TRPC4: variants seen among roughly 807,000 people sequenced by gnomAD.
The protein encoded by TRPC4 is short transient receptor potential channel 4.
TRPC4 carries 49 observed loss-of-function variants against 99.4 expected under a neutral mutation model. The observed-to-expected ratio is 0.49, with a 90% confidence interval of 0.39 to 0.63. The LOEUF is 0.63. Ranked by LOEUF, TRPC4 falls within the 20% of genes least tolerant of loss-of-function variation. TRPC4 has a pLI of 0.00. For missense variants in TRPC4, 898 were observed against 1,152.9 expected (o/e 0.78, Z 3.20); for synonymous variants, 454 against 425.9 (o/e 1.07, Z -0.81).
At chr13:37,843,295 G>T (rs1385458004) in intron 1 of TRPC4, among the ~76,000 whole-genome samples, 1 of 152,176 alleles carries the variant, frequency 6.6e-6, no homozygotes, top group Admixed American at 6.5e-5. Context: ...CTCATCAAAT[G>T]TTAACTTTGT....
chr13:37,866,429 T>G (rs1420988599), intron 1 of TRPC4, among the ~76,000 whole-genome samples: 2 of 151,634 alleles, frequency 1.3e-5, no homozygotes, highest in African/African-American at 2.4e-5. Context: ...GAGGGTCACT[T>G]ATATTTTTTA....
At chr13:37,783,402 GC>G in intron 1 of TRPC4, 42 bp from the exon 2 acceptor site, 1 of 1,439,022 alleles carries the variant, frequency 6.9e-7, no homozygotes, top group Non-Finnish European at 9.2e-7. Context: ...GTGTTAATAT[GC>G]TTTTAAAATT....
At chr13:37,737,430 C>A (rs183004498) in intron 3 of TRPC4, among the ~76,000 whole-genome samples, 1 of 152,166 alleles carries the variant, frequency 6.6e-6, no homozygotes, top group East Asian at 1.9e-4. Context: ...CAGAAAAGAG[C>A]ACTATATCCA....
At chr13:37,725,973 G>A (rs1443295000) in intron 3 of TRPC4, among the ~76,000 whole-genome samples, 3 of 152,034 alleles carry the variant, frequency 2.0e-5, no homozygotes, top group African/African-American at 4.8e-5. Context: ...TGAGGCAGGC[G>A]GATCACAAGG....
chr13:37,660,509 A>G (rs911118856), intron 6 of TRPC4, among the ~76,000 whole-genome samples: 1 of 152,188 alleles, frequency 6.6e-6, no homozygotes, highest in Admixed American at 6.5e-5. Context: ...TACTTGGATG[A>G]AAGGAATGAA....
chr13:37,662,245 G>A (rs962222092), intron 6 of TRPC4, among the ~76,000 whole-genome samples: 2 of 152,032 alleles, frequency 1.3e-5, no homozygotes, highest in African/African-American at 4.8e-5. Context: ...TGGAGGCAGA[G>A]GTTGCAGTGA....
chr13:37,775,700 G>C (rs910134579), intron 2 of TRPC4, among the ~76,000 whole-genome samples: 3 of 151,594 alleles, frequency 2.0e-5, no homozygotes, highest in African/African-American at 7.3e-5. Flanking sequence ...CCTAAACATA[G>C]AGAAGAAGAG....
chr13:37,796,777 A>G (rs957462977), intron 1 of TRPC4, among the ~76,000 whole-genome samples: 1 of 151,356 alleles, frequency 6.6e-6, no homozygotes, highest in Admixed American at 6.6e-5. Context: ...CAGGCTCATA[A>G]TTGTCTGCTC....
chr13:37,834,041 A>G (rs1186174607), intron 1 of TRPC4, among the ~76,000 whole-genome samples: 1 of 152,164 alleles, frequency 6.6e-6, no homozygotes, highest in African/African-American at 2.4e-5. Context: ...TCTTCATGCT[A>G]TATTTGCATT....
At chr13:37,675,759 G>A (rs867211715) in intron 4 of TRPC4, among the ~76,000 whole-genome samples, 1 of 152,154 alleles carries the variant, frequency 6.6e-6, no homozygotes, top group African/African-American at 2.4e-5. Context: ...CATGGAGAAA[G>A]TTCCATCCCT....
chr13:37,633,164 A>G lies in TRPC4; in HGVS notation c.*3739T>C, dbSNP rs953680456. 1.6e-4 allele frequency among the ~76,000 whole-genome samples: 24 copies of G among 152,342 alleles called. No homozygotes were observed. Among genetic ancestry groups the G allele is most frequent in the African/African-American group, 5.8e-4 (24 of 41,592 alleles). On this transcript the variant is annotated 3_prime_UTR_variant, in exon 11 of 11. Coordinates refer to ENST00000379705, the MANE Select transcript of TRPC4 (RefSeq NM_016179.4). ...CTGTATAAATAAAATGTCTTTTCAG[A>G]CATTGTAAAATCAGAATAATGGTTT...
intron 6 of TRPC4, among the ~76,000 whole-genome samples, chr13:37,663,176 G>A (rs1313924231): frequency 6.6e-6 from 1 of 152,096 alleles, no homozygotes; most frequent in African/African-American, 2.4e-5. Flanking sequence ...TCTTTTTCAT[G>A]AAGTCATTTA....
chr13:37,828,847 G>A (rs1958327164), intron 1 of TRPC4, among the ~76,000 whole-genome samples: 1 of 152,142 alleles, frequency 6.6e-6, no homozygotes, highest in South Asian at 2.1e-4. Flanking sequence ...TGTTTGGTGG[G>A]ACTAGGGTGA....
chr13:37,790,496 A>G (rs1007926641), intron 1 of TRPC4, among the ~76,000 whole-genome samples: 4 of 152,204 alleles, frequency 2.6e-5, no homozygotes, highest in African/African-American at 9.6e-5. Context: ...CTATTTGCAT[A>G]TAAATAATCA....
chr13:37,760,475 G>A (rs564479185), intron 2 of TRPC4, among the ~76,000 whole-genome samples: 1 of 152,048 alleles, frequency 6.6e-6, no homozygotes, highest in African/African-American at 2.4e-5. Flanking sequence ...TTTCCTACAA[G>A]TCAAGAGGAA....
chr13:37,835,132 A>C (rs995702041), intron 1 of TRPC4, among the ~76,000 whole-genome samples: 4 of 152,152 alleles, frequency 2.6e-5, no homozygotes, highest in African/African-American at 7.2e-5. Flanking sequence ...AATGTTTGCC[A>C]ATATGAAACC....
intron 1 of TRPC4, among the ~76,000 whole-genome samples, chr13:37,868,777 A>C (rs978295849): frequency 3.3e-5 from 5 of 152,170 alleles, no homozygotes; most frequent in African/African-American, 1.2e-4. Flanking sequence ...CCATGTGAAC[A>C]GGGATACACC....
chr13:37,853,839 TG>T (rs1329239713), intron 1 of TRPC4, among the ~76,000 whole-genome samples: 5 of 151,642 alleles, frequency 3.3e-5, no homozygotes, highest in African/African-American at 1.2e-4. Flanking sequence ...GCAGAAGAAT[TG>T]GTGAGGTTAA....
rs1252064584 is a variant in TRPC4, at chr13:37,746,371, A to G, written c.463T>C (p.Tyr155His). ...TGAACCAAGAGTTTTATTATCTCAT[A>G]ATTATTTGTATGGGCTGCCAAAATG... ...PIILAAHTNN[Y>H]EIIKLLVQKG... Residue 155 changes from tyrosine (Y) to histidine (H), a missense_variant, in exon 3 of 11, where the codon TAT (tyrosine) becomes CAT (histidine). By Grantham distance (83) the Tyr-to-His change is moderately conservative. Around this residue, in one of 3 missense-constraint regions of TRPC4, gnomAD observed 278 missense variants for 346.6 expected, o/e 0.80. Coordinates refer to ENST00000379705, the MANE Select transcript of TRPC4 (RefSeq NM_016179.4). 3 of 1,613,638 alleles carry G rather than the reference A, an allele frequency of 1.9e-6. No homozygotes were observed. The highest frequency in any genetic ancestry group is 1.7e-5 in the Admixed American group (1 of 59,970).
Sources: gnomAD v4.1 joint callset for allele counts (sites outside exome capture counted in the v4.1 genomes callset) on GRCh38, gnomAD v4.1.1 for gene constraint, gnomAD v4.1.1 regional missense constraint, MANE v1.5 for transcripts, NCBI Gene and HGNC (gene_info 2026-07-23, HGNC 2026-07-21) for gene names.